ALS2: variants seen among roughly 807,000 people sequenced by gnomAD.
ALS2 encodes the protein alsin Rho guanine nucleotide exchange factor ALS2.
A neutral mutation model predicts 203.4 loss-of-function variants in ALS2; 117 were observed. The observed-to-expected ratio is 0.58, with a 90% CI of 0.50 to 0.67. The LOEUF is 0.67. Ranked by LOEUF, ALS2 falls within the 30% of genes least tolerant of loss-of-function variation. The pLI, the probability that ALS2 is intolerant of heterozygous loss-of-function variation, is 0.00. For missense variants in ALS2, 1,715 were observed against 1,989.4 expected, an observed-to-expected ratio of 0.86 and a Z score of 2.62; for synonymous variants, 718 against 725.9, an observed-to-expected ratio of 0.99 and a Z score of 0.17.
In ALS2 at chr2:201,754,565, T is replaced by C. The variant is rs147284131; in HGVS notation, c.1578A>G (p.Thr526=). The C allele has an allele frequency of 2.8e-4, 444 of 1,614,170 alleles. 3 individuals carry two copies. In the Middle Eastern group the frequency reaches 8.4e-3, roughly 31 times the overall value. The change falls in exon 6 of 34, where the codon ACA becomes ACG. Residue 526 remains threonine (T), a synonymous_variant. Coordinates refer to ENST00000264276, the MANE Select transcript of ALS2 (RefSeq NM_020919.4). ...TCCCTTTCCCCCAGGTCCACACTTC[T>C]GTTCTCAGAGAAGGCAGGAGCGCAT... ...EADALLPSLR[T]EVWTWGKGKE...
At chr2:201,704,710 C>T (rs567132557) in intron 31 of ALS2, 107 bp from the exon 32 acceptor site, 21 of 1,283,696 alleles carry the variant, frequency 1.6e-5, no homozygotes, top group South Asian at 1.5e-4. Flanking sequence ...TGCCTTAACC[C>T]GGACACTTAG....
chr2:201,761,757 T>C lies in ALS2; in HGVS notation c.237A>G (p.Pro79=). Residue 79 remains proline (P), a synonymous_variant, in exon 4 of 34, where the codon CCA becomes CCG. Coordinates refer to ENST00000264276, the MANE Select transcript of ALS2 (RefSeq NM_020919.4). ...GGGCATTTTCTAGAATGGGGCTACT[T>C]GGACAAATCTCCACTGGTCCACTTC... The part of the protein sequence containing the change: ...PWRSGPVEIC[P]SSPILENALV... 6.2e-7 allele frequency: 1 copy of C among 1,613,922 alleles called. No individual in the cohort carries two copies. Among genetic ancestry groups the C allele is most frequent in the Non-Finnish European group, 8.5e-7 (1 of 1,179,992 alleles).
intron 24 of ALS2, among the ~76,000 whole-genome samples, chr2:201,717,495 AAC>A (rs2105985885): frequency 6.6e-6 from 1 of 151,334 alleles, no homozygotes; most frequent in Admixed American, 6.6e-5. Context: ...AAAAAAAAAG[AAC>A]ACTCTCTCAC....
At chr2:201,775,686 G>A (rs377482027) in intron 1 of ALS2, among the ~76,000 whole-genome samples, 3 of 151,952 alleles carry the variant, frequency 2.0e-5, no homozygotes, top group Middle Eastern at 3.2e-3. Context: ...GGAACCCCAC[G>A]CCTCTCAGCC....
In ALS2 at chr2:201,728,616, G is replaced by C; in HGVS notation, c.2737C>G (p.Arg913Gly). The C allele has an allele frequency of 1.2e-6, 2 of 1,614,076 alleles. No homozygotes were observed. Among genetic ancestry groups the C allele is most frequent in the Non-Finnish European group, 1.7e-6 (2 of 1,180,010 alleles). Residue 913 changes from arginine (R) to glycine (G), a missense_variant, in exon 15 of 34, where the codon CGA (arginine) becomes GGA (glycine). Arg to Gly is a moderately radical substitution (Grantham distance 125). This residue lies in a region of ALS2 where 1,227 missense variants were observed against 1,413.5 expected (regional missense o/e 0.87). Transcript: ENST00000264276. The part of the protein sequence containing the change: ...MTDSLRKPER[R>G]LLCESSNRAL... ...CGGTTACTACTCTCACACAGCAGTC[G>C]ACGCTCTGGCTTCCTCAAGGAATCC... is the stretch of plus-strand genomic sequence containing the variant.
At chr2:201,737,235 A>G (rs921215038) in intron 12 of ALS2, among the ~76,000 whole-genome samples, 2 of 152,164 alleles carry the variant, frequency 1.3e-5, no homozygotes, top group African/African-American at 4.8e-5. Context: ...ATGATTTAAC[A>G]TATATGAAAG....
chr2:201,753,780 C>A (rs1253856116), intron 6 of ALS2, among the ~76,000 whole-genome samples: 1 of 152,148 alleles, frequency 6.6e-6, no homozygotes, highest in Admixed American at 6.5e-5. Context: ...GTGGCAGAGA[C>A]ATCTTTCAGG....
At chr2:201,710,697 A>G (rs567633198) in intron 26 of ALS2, among the ~76,000 whole-genome samples, 1 of 152,324 alleles carries the variant, frequency 6.6e-6, no homozygotes, top group Admixed American at 6.5e-5. Context: ...AGCATGCTTT[A>G]CTTACACAAT....
chr2:201,760,093 T>A, intron 4 of ALS2: 1 of 840,658 alleles, frequency 1.2e-6, no homozygotes, highest in Non-Finnish European at 1.4e-6. Flanking sequence ...GAGGCTGAGG[T>A]GGGAGGATTG....
intron 13 of ALS2, 152 bp downstream of exon 13, chr2:201,733,124 C>T: frequency 1.2e-6 from 1 of 860,716 alleles, no homozygotes; most frequent in Non-Finnish European, 1.8e-6. Flanking sequence ...GTCATACTTT[C>T]CTCTGTCATT....
At chr2:201,754,748 G>A (rs1693281324) in intron 5 of ALS2, 77 bp from the exon 6 acceptor site, 1 of 1,518,740 alleles carries the variant, frequency 6.6e-7, no homozygotes, top group Admixed American at 1.8e-5. Context: ...ACAAACTTAA[G>A]ATTTTCAAAA....
intron 11 of ALS2, among the ~76,000 whole-genome samples, chr2:201,739,001 G>A (rs1025274832): frequency 5.9e-5 from 9 of 152,076 alleles, no homozygotes; most frequent in East Asian, 1.9e-4. Flanking sequence ...CACTTTGGGA[G>A]GCTAAGGCGG....
In ALS2 at chr2:201,729,607, G is replaced by A. The variant is rs531642138; in HGVS notation, c.2581-424C>T. ...TACAAAAATTTTTTAATGGTAGGGCGCGGTGGCTCACACCTGTAATCCCAG... is the reference window on the plus strand; with the variant it reads ...TACAAAAATTTTTTAATGGTAGGGCACGGTGGCTCACACCTGTAATCCCAG... On this transcript the variant is annotated intron_variant, in intron 13 of 33. Coordinates refer to ENST00000264276, the MANE Select transcript of ALS2 (RefSeq NM_020919.4). Among the ~76,000 whole-genome samples, 61 of 152,058 alleles carry A rather than the reference G, an allele frequency of 4.0e-4. No homozygotes were observed. In the South Asian group the frequency reaches 4.8e-3, roughly 12 times the overall value.
intron 10 of ALS2, 151 bp downstream of exon 10, chr2:201,744,107 G>T: frequency 1.2e-6 from 1 of 850,478 alleles, no homozygotes; most frequent in Non-Finnish European, 1.8e-6. Flanking sequence ...GAAACAGTTT[G>T]TAAATTGTTG....
At chr2:201,754,804 C>A in intron 5 of ALS2, 133 bp from the exon 6 acceptor site, 1 of 979,224 alleles carries the variant, frequency 1.0e-6, no homozygotes, top group Non-Finnish European at 1.5e-6. Flanking sequence ...TAGAGGCTCT[C>A]TGTAGAAAAG....
At chr2:201,704,420 C>T (rs372820505) in intron 32 of ALS2, 34 bp downstream of exon 32, 58 of 1,612,834 alleles carry the variant, frequency 3.6e-5, no homozygotes, top group African/African-American at 1.5e-4. Context: ...TTAAAAATAA[C>T]GACTCACTAA....
chr2:201,744,502 CT>C, intron 9 of ALS2, 73 bp from the exon 10 acceptor site: 1 of 1,432,982 alleles, frequency 7.0e-7, no homozygotes, highest in Non-Finnish European at 9.7e-7. Flanking sequence ...CTGAAGCTGG[CT>C]TATATCAGCT....
At chr2:201,771,046 T>C (rs1173011998) in intron 1 of ALS2, among the ~76,000 whole-genome samples, 2 of 134,542 alleles carry the variant, frequency 1.5e-5, no homozygotes, top group East Asian at 4.0e-4. Flanking sequence ...TTACAGATTT[T>C]TTTTTTTTTT....
intron 4 of ALS2, among the ~76,000 whole-genome samples, chr2:201,758,844 T>C (rs1693576458): frequency 6.6e-6 from 1 of 152,086 alleles, no homozygotes; most frequent in Non-Finnish European, 1.5e-5. Context: ...TCCTGGTACC[T>C]AGCGAAGTGC....
Sources: gnomAD v4.1 joint callset for allele counts (sites outside exome capture counted in the v4.1 genomes callset) on GRCh38, gnomAD v4.1.1 for gene constraint, gnomAD v4.1.1 regional missense constraint, MANE v1.5 for transcripts, NCBI Gene and HGNC (gene_info 2026-07-23, HGNC 2026-07-21) for gene names.